TRAF1: variants seen among roughly 807,000 people sequenced by gnomAD.
The protein encoded by TRAF1 is TNF receptor-associated factor 1.
A neutral mutation model predicts 40.9 loss-of-function variants in TRAF1; 23 were observed. The ratio of observed to expected loss-of-function variants is 0.56; its 90% CI spans 0.40 to 0.80. The LOEUF (loss-of-function observed/expected upper bound fraction) is 0.80, where lower values mean the gene tolerates loss of function less well. Among genes scored for constraint, TRAF1 ranks in the 30% least tolerant of loss-of-function variants. The pLI, the probability that TRAF1 is intolerant of heterozygous loss-of-function variation, is 0.00. For synonymous variants in TRAF1, 206 were observed against 218.8 expected (o/e 0.94, Z 0.52); for missense variants, 477 against 528.7 (o/e 0.90, Z 0.96).
At chr9:120,921,458 T>C (rs1431008938) in intron 3 of TRAF1, among the ~76,000 whole-genome samples, 1 of 152,096 alleles carries the variant, frequency 6.6e-6, no homozygotes, top group African/African-American at 2.4e-5. Flanking sequence ...ACACAATAAA[T>C]GTGTATTAAT....
rs916860915 is a variant in TRAF1 at position 120,905,103 on chromosome 9, G to A, written c.1168C>T (p.Leu390Phe). Residue 390 changes from leucine (L) to phenylalanine (F), a missense_variant, in exon 8 of 8, where the codon CTC becomes TTC. By Grantham distance (22) the Leu-to-Phe change is conservative. Coordinates refer to ENST00000373887, the MANE Select transcript of TRAF1 (RefSeq NM_005658.5). The stretch of plus-strand genomic sequence containing the variant: ...TGCTTGGGTGACTGCAGTTTGCTGA[G>A]GGGGAAGAAGAGTGGGCATCCACTG... Reference protein sequence around the residue: ...VASGCPLFFPLSKLQSPKHAY... With the variant: ...VASGCPLFFPFSKLQSPKHAY... 5.0e-6 allele frequency: 8 copies of A among 1,614,150 alleles called. No individual in the cohort carries two copies. Among genetic ancestry groups the A allele is most frequent in the Non-Finnish European group, 5.9e-6 (7 of 1,180,054 alleles).
chr9:120,906,213 CTTG>C (rs1463702268), intron 7 of TRAF1, among the ~76,000 whole-genome samples: 1 of 134,108 alleles, frequency 7.5e-6, no homozygotes, highest in African/African-American at 3.1e-5. Context: ...GAGTTTCGCT[CTTG>C]TTGTCCAGGC....
In TRAF1 at chr9:120,905,283, C is replaced by T. The variant is rs764099257; in HGVS notation, c.1033-45G>A. On this transcript the variant is annotated intron_variant, in intron 7 of 7. Coordinates refer to ENST00000373887, the MANE Select transcript of TRAF1 (RefSeq NM_005658.5). ...GGGAGATCAGGCCCTACAGCAGCAGCGCAGCTTGGAGGCCCAGGCTTGGGC... is the reference window on the plus strand; with the variant it reads ...GGGAGATCAGGCCCTACAGCAGCAGTGCAGCTTGGAGGCCCAGGCTTGGGC... 1.4e-5 allele frequency: 21 copies of T among 1,553,280 alleles called. 1 individual carries two copies. The highest frequency in any genetic ancestry group is 1.2e-4 in the Admixed American group (6 of 51,838).
chr9:120,916,250 TAGAGTGAC>T (rs2046568717), intron 3 of TRAF1, among the ~76,000 whole-genome samples: 1 of 152,150 alleles, frequency 6.6e-6, no homozygotes, highest in Admixed American at 6.5e-5. Context: ...AAGGCAAAAC[TAGAGTGAC>T]AGGAAGTAGA....
intron 7 of TRAF1, 92 bp from the exon 8 acceptor site, chr9:120,905,330 A>G (rs1161093929): frequency 3.3e-5 from 44 of 1,322,706 alleles, no homozygotes; most frequent in Non-Finnish European, 4.1e-5. Context: ...CTCCACACCT[A>G]CTGCCTGTGC....
At chr9:120,907,627 T>C (rs566039109) in intron 7 of TRAF1, among the ~76,000 whole-genome samples, 7 of 152,352 alleles carry the variant, frequency 4.6e-5, no homozygotes, top group Admixed American at 4.6e-4. Flanking sequence ...CACATCCTCG[T>C]CAGCATTTGG....
Position 120,913,190 on chromosome 9 carries a change from G to A in TRAF1, c.705+138C>T, listed in dbSNP as rs554311462. The A allele has an allele frequency of 1.5e-5, 17 of 1,106,720 alleles. No homozygotes were observed. The African/African-American group carries it at 2.7e-4, about 17-fold the overall frequency. 68.6% of individuals were successfully genotyped at this position (1,106,720 alleles called of 1,614,324 possible). A position where few individuals can be genotyped will look rare whatever the true frequency, so the allele number is the denominator to read the frequency against. On this transcript the variant is annotated intron_variant, in intron 5 of 7. Transcript: ENST00000373887. ...AACTCAGCGCTCTTCCTGGAAGGGT[G>A]TGGGATAAAGGGGAGATACGTTTTG...
At chr9:120,918,485 T>C (rs1423117562) in intron 3 of TRAF1, among the ~76,000 whole-genome samples, 1 of 152,046 alleles carries the variant, frequency 6.6e-6, no homozygotes, top group Non-Finnish European at 1.5e-5. Context: ...TTCCTGTGGA[T>C]TAAGCACTGC....
chr9:120,919,795 G>C (rs1346297212), intron 3 of TRAF1, among the ~76,000 whole-genome samples: 1 of 152,158 alleles, frequency 6.6e-6, no homozygotes, highest in Admixed American at 6.5e-5. Context: ...ATAGCACTTG[G>C]TGGACTCCTG....
chr9:120,910,427 G>T (rs544359191), intron 6 of TRAF1, among the ~76,000 whole-genome samples: 1 of 152,268 alleles, frequency 6.6e-6, no homozygotes, highest in South Asian at 2.1e-4. Context: ...TTTTGAGAGG[G>T]TCTTGCTTTG....
At chr9:120,922,516 C>G (rs1023613513) in intron 3 of TRAF1, among the ~76,000 whole-genome samples, 13 of 152,168 alleles carry the variant, frequency 8.5e-5, no homozygotes, top group African/African-American at 1.7e-4. Flanking sequence ...CATGTGGGAA[C>G]CTCTGAGCAG....
At chr9:120,912,393 A>G (rs1483675797) in intron 5 of TRAF1, among the ~76,000 whole-genome samples, 1 of 152,228 alleles carries the variant, frequency 6.6e-6, no homozygotes, top group Non-Finnish European at 1.5e-5. Context: ...GCGGTGGCTT[A>G]TGCCTGTAAT....
At position 120,926,172 on chromosome 9, in the gene TRAF1, G is replaced by A; in HGVS notation, c.-97C>T. ...TGGCCTGGGCCTCACTCTCTGGTGA[G>A]TAGGAGCTCTGATGACTTTATCTTC... On this transcript the variant is annotated 5_prime_UTR_variant, in exon 2 of 8. Coordinates refer to ENST00000373887, the MANE Select transcript of TRAF1 (RefSeq NM_005658.5). 2 of 1,331,126 alleles carry A rather than the reference G, an allele frequency of 1.5e-6. No homozygotes were observed. Among genetic ancestry groups the A allele is most frequent in the Non-Finnish European group, 2.0e-6 (2 of 1,000,172 alleles). 82.5% of individuals were successfully genotyped at this position (1,331,126 alleles called of 1,614,324 possible). A position where few individuals can be genotyped will look rare whatever the true frequency, so the allele number is the denominator to read the frequency against.
chr9:120,921,383 T>C (rs73545713), intron 3 of TRAF1, among the ~76,000 whole-genome samples: 2,419 of 152,014 alleles, frequency 0.016, 64 homozygotes, highest in African/African-American at 0.05. Context: ...TTTCATCTGA[T>C]TGAAAAAGAT....
intron 5 of TRAF1, among the ~76,000 whole-genome samples, chr9:120,912,649 C>G (rs2046536588): frequency 6.7e-6 from 1 of 149,632 alleles, no homozygotes. Context: ...GAGCAATACT[C>G]TGTCTCAAAG....
chr9:120,908,961 G>C (rs979581756), intron 7 of TRAF1, among the ~76,000 whole-genome samples: 3 of 152,170 alleles, frequency 2.0e-5, no homozygotes, highest in Non-Finnish European at 2.9e-5. Flanking sequence ...CTCCCAAAGT[G>C]CTGGGATTAC....
At position 120,906,816 on chromosome 9, in the gene TRAF1, G is replaced by A. The variant is rs188194962; in HGVS notation, c.1033-1578C>T. 9.5e-4 allele frequency among the ~76,000 whole-genome samples: 145 copies of A among 152,132 alleles called. 1 individual carries two copies. The highest frequency in any genetic ancestry group is 3.3e-3 in the African/African-American group (137 of 41,476). ...CCCCTGTGCTCTATTCATCTCTCCC[G>A]GCACCTACTCTTGGACAATCACTGA... On this transcript the variant is annotated intron_variant, in intron 7 of 7. Coordinates refer to ENST00000373887, the MANE Select transcript of TRAF1 (RefSeq NM_005658.5).
chr9:120,902,605 A>T lies in TRAF1; in HGVS notation c.*2415T>A, dbSNP rs981925303. 6.6e-6 allele frequency: 1 copy of T among 151,876 alleles called. No homozygotes were observed. Among genetic ancestry groups the T allele is most frequent in the Non-Finnish European group, 1.5e-5 (1 of 68,066 alleles). 9.4% of individuals were successfully genotyped at this position (151,876 alleles called of 1,614,324 possible). On this transcript the variant is annotated 3_prime_UTR_variant, in exon 8 of 8. Coordinates refer to ENST00000373887, the MANE Select transcript of TRAF1 (RefSeq NM_005658.5). ...CTCCCTCCCCCATCCTGCCACACAG[A>T]CCCTGCCCTCAGCCAAGACAGCTCT...
In TRAF1 at chr9:120,905,161, G is replaced by C. The variant is rs774946070; in HGVS notation, c.1110C>G (p.Ser370=). ...DAFRPDLSSA[S]FQRPQSETNV... is the part of the protein sequence containing the mutation. ...TGGTTTCACTCTGGGGCCTCTGGAA[G>C]GACGCTGAGCTTAGGTCAGGCCGGA... The change falls in exon 8 of 8, where the codon TCC becomes TCG. Residue 370 remains serine (S), a synonymous_variant. Coordinates refer to ENST00000373887, the MANE Select transcript of TRAF1 (RefSeq NM_005658.5). 6.8e-6 allele frequency: 11 copies of C among 1,614,246 alleles called. No individual in the cohort carries two copies. The Admixed American group carries it at 1.8e-4, about 27-fold the overall frequency.
Sources: allele counts gnomAD v4.1 joint callset (sites outside exome capture counted in the v4.1 genomes callset), GRCh38; gene constraint gnomAD v4.1.1; transcripts MANE v1.5; gene names NCBI Gene and HGNC (gene_info 2026-07-23, HGNC 2026-07-21).